The following FRMD4A variants were observed in gnomAD, a reference collection of about 807,000 sequenced individuals.
FRMD4A encodes the protein FERM domain containing 4A.
Under a neutral mutation model 129.1 loss-of-function variants are expected in FRMD4A, and 29 were observed. The observed-to-expected ratio is 0.22, with a 90% CI of 0.17 to 0.31. The LOEUF is 0.31. Ranked by LOEUF, FRMD4A falls within the 10% of genes least tolerant of loss-of-function variation. The probability of loss-of-function intolerance (pLI) is 1.00; values close to 1 mark genes in which losing one functional copy is unlikely to be tolerated. For missense variants in FRMD4A, 1,272 were observed against 1,375.8 expected, an observed-to-expected ratio of 0.92 and a Z score of 1.19; for synonymous variants, 634 against 571.6, an observed-to-expected ratio of 1.11 and a Z score of -1.56.
At chr10:13,732,306 CT>C (rs897666167) in intron 12 of FRMD4A, among the ~76,000 whole-genome samples, 52 of 123,784 alleles carry the variant, frequency 4.2e-4, no homozygotes, top group African/African-American at 1.5e-3. Context: ...TTCTTGGTGC[CT>C]TTTTTGTTTG....
At chr10:14,171,014 GT>G (rs60013417) in intron 2 of FRMD4A, among the ~76,000 whole-genome samples, 1 of 147,772 alleles carries the variant, frequency 6.8e-6, no homozygotes, top group Non-Finnish European at 1.5e-5. Context: ...TACGAGGGGA[GT>G]TTTTTTTTTT....
chr10:13,707,163 G>T, intron 12 of FRMD4A, 50 bp from the exon 13 acceptor site: 2 of 1,061,894 alleles, frequency 1.9e-6, no homozygotes, highest in Non-Finnish European at 2.9e-6. Flanking sequence ...TGGCTCCTGG[G>T]CCATCTTCCC....
intron 2 of FRMD4A, among the ~76,000 whole-genome samples, chr10:14,144,094 C>T (rs756935813): frequency 4.6e-5 from 7 of 152,168 alleles, no homozygotes; most frequent in Admixed American, 1.3e-4. Flanking sequence ...GTGCACATGA[C>T]GGGAAGGAAT....
intron 2 of FRMD4A, among the ~76,000 whole-genome samples, chr10:14,053,093 A>G (rs1834341386): frequency 6.6e-6 from 1 of 152,186 alleles, no homozygotes; most frequent in Non-Finnish European, 1.5e-5. Flanking sequence ...GTGCTCCCAG[A>G]CTACGTGAGC....
chr10:13,984,077 G>T (rs1350070654), intron 2 of FRMD4A, among the ~76,000 whole-genome samples: 4 of 151,982 alleles, frequency 2.6e-5, no homozygotes, highest in Non-Finnish European at 5.9e-5. Context: ...CCACTGATGA[G>T]GGGCAAGTCT....
At chr10:14,315,633 G>A (rs543717723) in intron 2 of FRMD4A, among the ~76,000 whole-genome samples, 11 of 152,166 alleles carry the variant, frequency 7.2e-5, no homozygotes, top group Non-Finnish European at 2.9e-5. Flanking sequence ...TATGGATCAA[G>A]CTCCTCAGCA....
At chr10:13,767,864 G>A (rs940661518) in intron 6 of FRMD4A, among the ~76,000 whole-genome samples, 1 of 152,170 alleles carries the variant, frequency 6.6e-6, no homozygotes, top group Admixed American at 6.5e-5. Context: ...TCTAGCCTGG[G>A]AATCTTGGGC....
intron 2 of FRMD4A, among the ~76,000 whole-genome samples, chr10:13,861,077 C>T (rs1375076729): frequency 2.0e-5 from 3 of 152,170 alleles, no homozygotes; most frequent in Non-Finnish European, 2.9e-5. Context: ...AGTCGCGGGC[C>T]GAAGGTGCCT....
At chr10:14,129,641 A>G (rs1839137628) in intron 2 of FRMD4A, among the ~76,000 whole-genome samples, 1 of 151,974 alleles carries the variant, frequency 6.6e-6, no homozygotes, top group Non-Finnish European at 1.5e-5. Flanking sequence ...TCATTCTAAC[A>G]TGCCTGTCAG....
At chr10:14,198,548 C>A (rs1842539277) in intron 2 of FRMD4A, among the ~76,000 whole-genome samples, 1 of 152,196 alleles carries the variant, frequency 6.6e-6, no homozygotes, top group Admixed American at 6.5e-5. Context: ...TGACTGATTC[C>A]CTGGATCCTT....
intron 9 of FRMD4A, among the ~76,000 whole-genome samples, chr10:13,743,668 T>G (rs2091137237): frequency 6.6e-6 from 1 of 152,120 alleles, no homozygotes; most frequent in Admixed American, 6.5e-5. Flanking sequence ...CGCCCCCTGT[T>G]TGCCCTGTAA....
chr10:13,947,590 A>ATACACACACACACACG (rs2095341215), intron 2 of FRMD4A, among the ~76,000 whole-genome samples: 1 of 150,416 alleles, frequency 6.6e-6, no homozygotes, highest in South Asian at 2.1e-4. Context: ...TGCAACATGC[A>ATACACACACACACACG]TACACACACA....
intron 2 of FRMD4A, among the ~76,000 whole-genome samples, chr10:14,005,677 G>A (rs571696285): frequency 3.3e-5 from 5 of 152,250 alleles, no homozygotes; most frequent in South Asian, 2.1e-4. Context: ...CCATGCCATC[G>A]CTCCTCCAGA....
At chr10:14,146,410 T>TCAACA (rs772228665) in intron 2 of FRMD4A, among the ~76,000 whole-genome samples, 245 of 152,212 alleles carry the variant, frequency 1.6e-3, no homozygotes, top group African/African-American at 4.9e-3. Context: ...ACAATATAAT[T>TCAACA]CAACACAACA....
chr10:13,987,985 T>C (rs1462623609), intron 2 of FRMD4A, among the ~76,000 whole-genome samples: 1 of 152,180 alleles, frequency 6.6e-6, no homozygotes, highest in Admixed American at 6.5e-5. Flanking sequence ...TTTTCTTTTT[T>C]AAAAGAGGGG....
intron 3 of FRMD4A, among the ~76,000 whole-genome samples, chr10:13,812,204 T>A (rs751990814): frequency 1.4e-4 from 21 of 152,196 alleles, no homozygotes; most frequent in Non-Finnish European, 2.8e-4. Flanking sequence ...ATTTCACTTT[T>A]TGGGTACTGC....
intron 2 of FRMD4A, among the ~76,000 whole-genome samples, chr10:13,884,664 T>C (rs1209396672): frequency 6.6e-6 from 1 of 152,164 alleles, no homozygotes; most frequent in Non-Finnish European, 1.5e-5. Flanking sequence ...GAGACCCAGA[T>C]GTAGTAGAGC....
intron 2 of FRMD4A, among the ~76,000 whole-genome samples, chr10:14,136,524 G>A (rs988426505): frequency 2.6e-5 from 4 of 152,002 alleles, no homozygotes; most frequent in African/African-American, 9.7e-5. Context: ...CCAGACTGAG[G>A]CATAAGTGAC....
intron 3 of FRMD4A, among the ~76,000 whole-genome samples, chr10:13,855,144 T>C (rs191340655): frequency 5.0e-4 from 76 of 152,246 alleles, no homozygotes; most frequent in Middle Eastern, 3.4e-3. Flanking sequence ...GCATGAAACA[T>C]TAGGATGACA....
Sources: gnomAD v4.1 joint callset for allele counts (sites outside exome capture counted in the v4.1 genomes callset) on GRCh38, gnomAD v4.1.1 for gene constraint, MANE v1.5 for transcripts, NCBI Gene and HGNC (gene_info 2026-07-23, HGNC 2026-07-21) for gene names.